SDK1: variants seen among roughly 807,000 people sequenced by gnomAD.
The protein encoded by SDK1 is sidekick cell adhesion molecule 1, also known as protein sidekick-1.
Under a neutral mutation model 245.5 loss-of-function variants are expected in SDK1, and 157 were observed. The ratio of observed to expected loss-of-function variants is 0.64; its 90% CI spans 0.56 to 0.73. The LOEUF is 0.73. Ranked by LOEUF, SDK1 falls within the 30% of genes least tolerant of loss-of-function variation. SDK1 has a pLI of 0.00. For synonymous variants in SDK1, 1,647 were observed against 1,278.5 expected (o/e 1.29, Z -6.15); for missense variants, 3,583 against 3,002.3 (o/e 1.19, Z -4.52).
At chr7:3,908,681 C>G (rs1227300938) in intron 5 of SDK1, among the ~76,000 whole-genome samples, 1 of 152,158 alleles carries the variant, frequency 6.6e-6, no homozygotes, top group Non-Finnish European at 1.5e-5. Flanking sequence ...TCCAAATCCT[C>G]TTTAATATAT....
intron 19 of SDK1, among the ~76,000 whole-genome samples, chr7:4,057,167 G>A (rs1779257793): frequency 6.6e-6 from 1 of 151,978 alleles, no homozygotes; most frequent in Non-Finnish European, 1.5e-5. Context: ...CAAGTGTTCT[G>A]CCAGGAACCT....
chr7:3,856,074 G>T (rs1320406264), intron 5 of SDK1, among the ~76,000 whole-genome samples: 1 of 152,184 alleles, frequency 6.6e-6, no homozygotes, highest in African/African-American at 2.4e-5. Context: ...ATCAACCAGA[G>T]ATTTTGGAAG....
intron 8 of SDK1, among the ~76,000 whole-genome samples, chr7:3,961,394 T>C (rs1387826050): frequency 6.6e-6 from 1 of 152,238 alleles, no homozygotes; most frequent in Non-Finnish European, 1.5e-5. Context: ...ATTAACTTTA[T>C]TTATTAAAGT....
At chr7:3,598,243 TC>T (rs964666627) in intron 1 of SDK1, among the ~76,000 whole-genome samples, 7 of 152,204 alleles carry the variant, frequency 4.6e-5, no homozygotes, top group African/African-American at 1.7e-4. Flanking sequence ...TTTATATATT[TC>T]CATTTGTCTT....
In SDK1 at chr7:3,573,014, A is replaced by G. The variant is rs552704430; in HGVS notation, c.299-46066A>G. Among the ~76,000 whole-genome samples, 4 of 152,190 alleles carry G rather than the reference A, an allele frequency of 2.6e-5. No individual in the cohort carries two copies. In the East Asian group the frequency reaches 7.7e-4, roughly 29 times the overall value. ...GGGTGACCACCCAAAAGTGAGGGAC[A>G]GTGCCAGGCCCCAGGAACTCCTTTA... On this transcript the variant is annotated intron_variant, in intron 1 of 44. Transcript: ENST00000404826.
chr7:4,170,454 A>C (rs530798095), intron 32 of SDK1, among the ~76,000 whole-genome samples: 4 of 152,198 alleles, frequency 2.6e-5, no homozygotes, highest in South Asian at 2.1e-4. Context: ...CTCAAAAAAA[A>C]AGAACAGAAC....
chr7:4,155,234 C>G (rs1373197264), intron 30 of SDK1, among the ~76,000 whole-genome samples: 1 of 152,018 alleles, frequency 6.6e-6, no homozygotes, highest in Non-Finnish European at 1.5e-5. Context: ...GTTAACTCCC[C>G]CAGATCCGCA....
At chr7:3,914,946 G>A (rs745389842) in intron 5 of SDK1, among the ~76,000 whole-genome samples, 1 of 152,200 alleles carries the variant, frequency 6.6e-6, no homozygotes, top group African/African-American at 2.4e-5. Context: ...ACTCATTTTA[G>A]GTGGTTGTTG....
At chr7:3,853,864 C>G (rs1435144534) in intron 5 of SDK1, among the ~76,000 whole-genome samples, 1 of 152,104 alleles carries the variant, frequency 6.6e-6, no homozygotes, top group Non-Finnish European at 1.5e-5. Context: ...TGGCGCACCC[C>G]TGTAGTCCCA....
intron 5 of SDK1, among the ~76,000 whole-genome samples, chr7:3,872,025 C>A (rs892755436): frequency 1.3e-5 from 2 of 151,998 alleles, no homozygotes; most frequent in African/African-American, 4.8e-5. Flanking sequence ...TTTCTCAAAT[C>A]TTTTCTTGCA....
intron 1 of SDK1, among the ~76,000 whole-genome samples, chr7:3,397,221 C>G (rs1035636507): frequency 6.6e-6 from 1 of 151,958 alleles, no homozygotes; most frequent in African/African-American, 2.4e-5. Flanking sequence ...CCTTTTAAAA[C>G]AAATAGGAGA....
chr7:4,061,899 G>A (rs1307821820), intron 19 of SDK1, among the ~76,000 whole-genome samples: 6 of 146,264 alleles, frequency 4.1e-5, no homozygotes, highest in East Asian at 2.0e-4. Flanking sequence ...ACCAAACACG[G>A]CATATTCTCA....
At chr7:3,598,360 C>T (rs1562591820) in intron 1 of SDK1, among the ~76,000 whole-genome samples, 2 of 152,172 alleles carry the variant, frequency 1.3e-5, no homozygotes, top group African/African-American at 2.4e-5. Flanking sequence ...TCTTATTCAA[C>T]TCAACAGTGT....
intron 4 of SDK1, among the ~76,000 whole-genome samples, chr7:3,735,677 T>C (rs1160488491): frequency 6.6e-6 from 1 of 152,224 alleles, no homozygotes; most frequent in East Asian, 1.9e-4. Context: ...TTTAGATAGA[T>C]ACTGAGAAGT....
At chr7:4,128,292 C>T (rs1784525996) in intron 26 of SDK1, among the ~76,000 whole-genome samples, 1 of 152,218 alleles carries the variant, frequency 6.6e-6, no homozygotes, top group Non-Finnish European at 1.5e-5. Flanking sequence ...GCCTGCTCTC[C>T]CATGTCTTCT....
At position 3,967,333 on chromosome 7, in the gene SDK1, T is replaced by A. The variant is rs773013982; in HGVS notation, c.1445T>A (p.Phe482Tyr). 1 of 1,613,760 alleles carries A rather than the reference T, an allele frequency of 6.2e-7. No individual in the cohort carries two copies. ...CTCTTCTCAGATATCGCTCCAGTGT[T>A]CACCCAGCGGCCAGTGGACACCACA... Reference protein sequence around the residue: ...YLDVTNIAPVFTQRPVDTTVT... With the variant: ...YLDVTNIAPVYTQRPVDTTVT... The change falls in exon 10 of 45, where the codon TTC becomes TAC. Residue 482 changes from phenylalanine (F) to tyrosine (Y), a missense_variant. Transcript: ENST00000404826.
At chr7:3,631,870 C>G (rs928344811) in intron 2 of SDK1, among the ~76,000 whole-genome samples, 13 of 152,188 alleles carry the variant, frequency 8.5e-5, no homozygotes, top group Admixed American at 3.3e-4. Context: ...CCGAGTGAGA[C>G]AAGTGGGAGC....
chr7:3,624,743 T>A (rs2128646163), intron 2 of SDK1, among the ~76,000 whole-genome samples: 1 of 152,112 alleles, frequency 6.6e-6, no homozygotes, highest in South Asian at 2.1e-4. Context: ...ACCATTATAT[T>A]TATAAAAAAT....
At chr7:3,661,500 GT>G (rs1783354679) in intron 4 of SDK1, among the ~76,000 whole-genome samples, 1 of 152,128 alleles carries the variant, frequency 6.6e-6, no homozygotes, top group Non-Finnish European at 1.5e-5. Flanking sequence ...ATTTAAATAA[GT>G]TGTAAATGCC....
Sources: gnomAD v4.1 joint callset for allele counts (sites outside exome capture counted in the v4.1 genomes callset) on GRCh38, gnomAD v4.1.1 for gene constraint, MANE v1.5 for transcripts, NCBI Gene and HGNC (gene_info 2026-07-23, HGNC 2026-07-21) for gene names.